The following ANKRD36C variants were observed in gnomAD, a reference collection of about 807,000 sequenced individuals.
ANKRD36C encodes the protein ankyrin repeat domain 36C, also known as ankyrin repeat domain-containing protein 36C.
Under a neutral mutation model 276.4 loss-of-function variants are expected in ANKRD36C, and 61 were observed. That is an observed-to-expected ratio of 0.22 (90% CI 0.18 to 0.27). The LOEUF (loss-of-function observed/expected upper bound fraction) is 0.27, where lower values mean the gene tolerates loss of function less well. Among genes scored for constraint, ANKRD36C ranks in the 10% least tolerant of loss-of-function variants. ANKRD36C has a pLI of 1.00. For missense variants in ANKRD36C, 1,447 were observed against 2,032.3 expected, an observed-to-expected ratio of 0.71 and a Z score of 5.54; for synonymous variants, 483 against 680.1, an observed-to-expected ratio of 0.71 and a Z score of 4.51.
At chr2:95,885,426 ATT>A (rs1198559936) in intron 52 of ANKRD36C, among the ~76,000 whole-genome samples, 1 of 151,766 alleles carries the variant, frequency 6.6e-6, no homozygotes, top group African/African-American at 2.4e-5. Flanking sequence ...CAATTCTAGC[ATT>A]GTTTCCTGCT....
intron 50 of ANKRD36C, 146 bp from the exon 71 acceptor site, chr2:95,886,390 A>T (rs1405834554): frequency 8.5e-6 from 6 of 703,798 alleles, no homozygotes; most frequent in Non-Finnish European, 6.9e-6. Flanking sequence ...TTGGGATGGG[A>T]ACATGACAGA....
chr2:95,910,853 T>C (rs894994385), intron 42 of ANKRD36C, among the ~76,000 whole-genome samples: 1 of 151,426 alleles, frequency 6.6e-6, no homozygotes, highest in Non-Finnish European at 1.5e-5. Flanking sequence ...GGCCAAGTGA[T>C]GAGAACAAAT....
chr2:95,861,289 A>T (rs1196741917), intron 60 of ANKRD36C, among the ~76,000 whole-genome samples: 1 of 152,118 alleles, frequency 6.6e-6, no homozygotes, highest in Non-Finnish European at 1.5e-5. Context: ...CAAATTAGAG[A>T]TAACAAAGGA....
chr2:95,962,556 C>T lies in ANKRD36C; in HGVS notation c.800-9G>A. On this transcript the variant is annotated splice_polypyrimidine_tract_variant and intron_variant, in intron 6 of 66. Transcript: ENST00000456556. ...TTGTTTCTGAGAAGACACTGAAAAG[C>T]AAAAGGGATACATCATCAATCATAG... is the stretch of plus-strand genomic sequence containing the variant. The T allele has an allele frequency of 6.3e-7, 1 of 1,599,842 alleles. No individual in the cohort carries two copies. Among genetic ancestry groups the T allele is most frequent in the Non-Finnish European group, 8.5e-7 (1 of 1,178,354 alleles).
chr2:95,912,525 C>T (rs1676963628), intron 40 of ANKRD36C, 90 bp from the exon 43 acceptor site: 5 of 1,585,800 alleles, frequency 3.2e-6, no homozygotes, highest in African/African-American at 2.7e-5. Flanking sequence ...AACCTCTGAC[C>T]TCCTGCCTGT....
chr2:95,973,210 G>C lies in ANKRD36C; in HGVS notation c.799+4912C>G, dbSNP rs569661688. 4.9e-4 allele frequency among the ~76,000 whole-genome samples: 75 copies of C among 152,092 alleles called. 1 individual carries two copies. The highest frequency in any genetic ancestry group is 3.4e-3 in the Middle Eastern group (1 of 294). On this transcript the variant is annotated intron_variant, in intron 6 of 66. Transcript: ENST00000456556. ...GGGCGGATCACAAGGTCAGGAGATG[G>C]AGACCATCCTGGCTAACACGGTGAA... is the stretch of plus-strand genomic sequence containing the variant.
At chr2:95,859,882 T>C (rs1675521789) in exon 61 of ANKRD36C, 3 of 1,549,856 alleles carry the variant, frequency 1.9e-6, no homozygotes, top group Non-Finnish European at 1.7e-6. Flanking sequence ...GAGTTCTTTT[T>C]CCAATTCAAG....
In ANKRD36C at chr2:95,886,014, T is replaced by C. The variant is rs746885245; in HGVS notation, c.3163+34A>G. 20 of 1,587,406 alleles carry C rather than the reference T, an allele frequency of 1.3e-5. No homozygotes were observed. In the African/African-American group the frequency reaches 2.7e-4, roughly 21 times the overall value. On this transcript the variant is annotated intron_variant, in intron 52 of 66. Transcript: ENST00000456556. ...GGAAGTGAATTTCTCTTCTATTTGA[T>C]CGAACATTACATTAAAGGTGTATTC...
At chr2:95,989,187 A>C (rs543952197) in intron 1 of ANKRD36C, among the ~76,000 whole-genome samples, 14 of 152,336 alleles carry the variant, frequency 9.2e-5, no homozygotes, top group African/African-American at 2.9e-4. Context: ...AAACAAGCAA[A>C]GAAATAAATA....
chr2:95,914,048 G>A, intron 40 of ANKRD36C, 60 bp downstream of exon 42: 1 of 1,470,672 alleles, frequency 6.8e-7, no homozygotes, highest in Non-Finnish European at 9.2e-7. Flanking sequence ...ATTTCTTCAG[G>A]GAAGAGAATT....
chr2:95,908,010 T>C (rs1558634524), intron 42 of ANKRD36C, among the ~76,000 whole-genome samples: 1 of 150,728 alleles, frequency 6.6e-6, no homozygotes, highest in Non-Finnish European at 1.5e-5. Flanking sequence ...ATTATATAAA[T>C]GACTTCCTCT....
chr2:95,893,641 A>G (rs1676444064), intron 44 of ANKRD36C, 36 bp from the exon 64 acceptor site: 1 of 1,592,302 alleles, frequency 6.3e-7, no homozygotes, highest in Non-Finnish European at 8.6e-7. Context: ...TAAATAAAAT[A>G]TGTTTCATAG....
intron 42 of ANKRD36C, among the ~76,000 whole-genome samples, chr2:95,909,756 G>C (rs1199995015): frequency 1.3e-5 from 2 of 150,774 alleles, no homozygotes; most frequent in African/African-American, 2.4e-5. Flanking sequence ...CCAATTCTAG[G>C]ATTGTTTCCT....
chr2:95,857,404 G>A lies in ANKRD36C; in HGVS notation c.3985C>T (p.Gln1329Ter). 6.2e-7 allele frequency: 1 copy of A among 1,609,756 alleles called. No individual in the cohort carries two copies. The highest frequency in any genetic ancestry group is 8.5e-7 in the Non-Finnish European group (1 of 1,179,042). The change falls in exon 62 of 67, where the codon CAA (glutamine) becomes TAA (stop). Residue 1329 changes from glutamine to a stop codon, truncating the protein, a stop_gained. Coordinates refer to ENST00000456556, the Ensembl canonical transcript of ANKRD36C. LOFTEE classifies it high-confidence loss of function. ...GTCACATCAGCTTCTATCCTATATT[G>A]CTCTTCTGTGATTCTTAACTTTTCC...
At position 95,912,229 on chromosome 2, in the gene ANKRD36C, G is replaced by A; in HGVS notation, c.2653+15C>T. On this transcript the variant is annotated intron_variant, in intron 42 of 66. Transcript: ENST00000456556. ...CTGGACTGCACATGACATTAAATGTGTTTTGCAAAATTACCTGTCCTAGAT... is the reference window on the plus strand; with the variant it reads ...CTGGACTGCACATGACATTAAATGTATTTTGCAAAATTACCTGTCCTAGAT... 6.5e-7 allele frequency: 1 copy of A among 1,544,798 alleles called. No homozygotes were observed. The highest frequency in any genetic ancestry group is 8.7e-7 in the Non-Finnish European group (1 of 1,145,368).
chr2:95,984,225 TC>T (rs1678980818), intron 3 of ANKRD36C, among the ~76,000 whole-genome samples: 1 of 151,576 alleles, frequency 6.6e-6, no homozygotes, highest in Admixed American at 6.6e-5. Context: ...TGTAAAGTCA[TC>T]CCTACAGAGG....
intron 1 of ANKRD36C, 55 bp downstream of exon 1, chr2:95,991,457 A>G: frequency 6.6e-7 from 1 of 1,510,186 alleles, no homozygotes; most frequent in Non-Finnish European, 8.9e-7. Context: ...GGAAAGGGGT[A>G]CTTCTCCACA....
intron 6 of ANKRD36C, among the ~76,000 whole-genome samples, chr2:95,973,343 C>T (rs1408454609): frequency 6.6e-6 from 1 of 151,438 alleles, no homozygotes; most frequent in East Asian, 2.0e-4. Context: ...ACCCAGGAGG[C>T]AGAGTTTGCA....
intron 44 of ANKRD36C, among the ~76,000 whole-genome samples, chr2:95,892,751 A>T (rs1676412338): frequency 6.6e-6 from 1 of 151,298 alleles, no homozygotes; most frequent in Non-Finnish European, 1.5e-5. Flanking sequence ...AAGAAGTTTC[A>T]TGAAATAGCT....
Sources: gnomAD v4.1 joint callset for allele counts (sites outside exome capture counted in the v4.1 genomes callset) on GRCh38, gnomAD v4.1.1 for gene constraint, MANE v1.5 for transcripts, NCBI Gene and HGNC (gene_info 2026-07-23, HGNC 2026-07-21) for gene names.